The following HYAL3 variants were observed in gnomAD, a reference collection of about 807,000 sequenced individuals.
The protein encoded by HYAL3 is hyaluronidase-3.
HYAL3 carries 25 observed loss-of-function variants against 29.6 expected under a neutral mutation model. The ratio of observed to expected loss-of-function variants is 0.85; its 90% CI spans 0.62 to 1.18. HYAL3 has a LOEUF of 1.18. Among genes scored for constraint, HYAL3 ranks in the 50% most tolerant of loss-of-function variants. The pLI, the probability that HYAL3 is intolerant of heterozygous loss-of-function variation, is 0.00. For missense variants in HYAL3, 442 were observed against 548.4 expected (o/e 0.81, Z 1.94); for synonymous variants, 215 against 218.3 (o/e 0.99, Z 0.13).
intron 1 of HYAL3, chr3:50,298,735 G>A (rs2109297006): frequency 2.0e-6 from 2 of 1,015,032 alleles, no homozygotes; most frequent in South Asian, 7.2e-5. Flanking sequence ...CCTCTCCTGA[G>A]CTTGAGGCCA....
chr3:50,293,126 C>G lies in HYAL3; in HGVS notation c.*120G>C. On this transcript the variant is annotated 3_prime_UTR_variant, in exon 4 of 4. Coordinates refer to ENST00000336307, the MANE Select transcript of HYAL3 (RefSeq NM_003549.4). ...TACCCCTCAGGGATTCCAAGGGAAG[C>G]GGGGTGTGTGCTTGGGAGGGTTGAC... 2 of 1,510,110 alleles carry G rather than the reference C, an allele frequency of 1.3e-6. No individual in the cohort carries two copies. The highest frequency in any genetic ancestry group is 1.8e-6 in the Non-Finnish European group (2 of 1,089,756). 93.5% of individuals were successfully genotyped at this position (1,510,110 alleles called of 1,614,324 possible). A position where few individuals can be genotyped will look rare whatever the true frequency, so the allele number is the denominator to read the frequency against.
chr3:50,299,399 C>T lies in HYAL3; in HGVS notation c.-204G>A. On this transcript the variant is annotated 5_prime_UTR_variant, in exon 1 of 4. Coordinates refer to ENST00000336307, the MANE Select transcript of HYAL3 (RefSeq NM_003549.4). ...AGGCCTCCCAGCACCCGCGCGTCGC[C>T]GCTTAGAACCCGCCCCTGGTTTGCG... is the stretch of plus-strand genomic sequence containing the variant. 1 of 1,333,240 alleles carries T rather than the reference C, an allele frequency of 7.5e-7. No individual in the cohort carries two copies. The highest frequency in any genetic ancestry group is 1.0e-6 in the Non-Finnish European group (1 of 977,156). The allele number at this position is 1,333,240 out of a possible 1,614,324, so 82.6% of individuals were successfully genotyped here. A position where few individuals can be genotyped will look rare whatever the true frequency, so the allele number is the denominator to read the frequency against.
chr3:50,296,554 T>TC lies in HYAL3; in HGVS notation c.-17-936dup, dbSNP rs200163623. 1.1e-3 allele frequency: 1,664 copies of TC among 1,579,294 alleles called. 14 individuals are homozygous for TC. The African/African-American group carries it at 0.02, about 19-fold the overall frequency. Reference sequence around the variant, plus strand: ...TCAGTGGGCTGAGGCTTGTAGACTGTCGGGGCAGTCTATTGAACCAGAAAG... The same window carrying TC: ...TCAGTGGGCTGAGGCTTGTAGACTGTCCGGGGCAGTCTATTGAACCAGAAAG... On this transcript the variant is annotated intron_variant, in intron 1 of 3. Transcript: ENST00000336307.
At chr3:50,296,514 G>A (rs1701844773) in intron 1 of HYAL3, 2 of 1,463,980 alleles carry the variant, frequency 1.4e-6, no homozygotes, top group Non-Finnish European at 9.3e-7. Context: ...CCAGGGGCTA[G>A]GGGCTGAGGT....
rs1553711013 is a variant in HYAL3 at position 50,295,636 on chromosome 3, G to C, written c.-17-17C>G. On this transcript the variant is annotated splice_polypyrimidine_tract_variant and intron_variant, in intron 1 of 3. Coordinates refer to ENST00000336307, the MANE Select transcript of HYAL3 (RefSeq NM_003549.4). ...GATGGAAACCTGCAGGAGAGAGGGGGGTGTAAGCTTAGAGTCCGCAGCTAT... is the reference window on the plus strand; with the variant it reads ...GATGGAAACCTGCAGGAGAGAGGGGCGTGTAAGCTTAGAGTCCGCAGCTAT... 2.6e-6 allele frequency: 4 copies of C among 1,514,010 alleles called. No homozygotes were observed. The Admixed American group carries it at 8.9e-5, about 34-fold the overall frequency. 93.8% of individuals were successfully genotyped at this position (1,514,010 alleles called of 1,614,324 possible).
In HYAL3 at chr3:50,294,856, G is replaced by A. The variant is rs970423716; in HGVS notation, c.747C>T (p.Pro249=). The A allele has an allele frequency of 8.4e-6, 13 of 1,542,194 alleles. No individual in the cohort carries two copies. The highest frequency in any genetic ancestry group is 9.7e-6 in the Non-Finnish European group (11 of 1,139,526). Residue 249 remains proline (P), a synonymous_variant, in exon 2 of 4, where the codon CCC becomes CCT. Coordinates refer to ENST00000336307, the MANE Select transcript of HYAL3 (RefSeq NM_003549.4). The part of the protein sequence containing the change: ...SALFPSIYLP[P]RLPPAHHQAF... ...CCTGGTGGTGGGCAGGTGGCAGCCTGGGTGGGAGGTAGATGCTGGGGAAGA... is the reference window on the plus strand; with the variant it reads ...CCTGGTGGTGGGCAGGTGGCAGCCTAGGTGGGAGGTAGATGCTGGGGAAGA...
intron 2 of HYAL3, among the ~76,000 whole-genome samples, chr3:50,294,322 G>A (rs1701760734): frequency 6.6e-6 from 1 of 152,046 alleles, no homozygotes; most frequent in African/African-American, 2.4e-5. Context: ...GGTAGAGGTT[G>A]GGGTCTCACT....
Position 50,293,515 on chromosome 3 carries a change from C to T in HYAL3, c.985G>A (p.Glu329Lys). Residue 329 changes from glutamate (E) to lysine (K), a missense_variant and splice_region_variant, in exon 4 of 4, where the codon GAG (glutamate) becomes AAG (lysine). Glu to Lys is a moderately conservative substitution (Grantham distance 56). Coordinates refer to ENST00000336307, the MANE Select transcript of HYAL3 (RefSeq NM_003549.4). ...WGDLSLSSSE[E>K]ECWHLHDYLV... is the part of the protein sequence containing the mutation. ...TAGTCATGGAGATGCCAGCACTCCTCCTGAGGAGAAGGGAAGATATGTGTC... is the reference window on the plus strand; with the variant it reads ...TAGTCATGGAGATGCCAGCACTCCTTCTGAGGAGAAGGGAAGATATGTGTC... The T allele has an allele frequency of 6.2e-7, 1 of 1,612,036 alleles. No individual in the cohort carries two copies. The highest frequency in any genetic ancestry group is 8.5e-7 in the Non-Finnish European group (1 of 1,178,486).
At chr3:50,299,128 G>T in intron 1 of HYAL3, 85 bp downstream of exon 1, 1 of 1,612,874 alleles carries the variant, frequency 6.2e-7, no homozygotes, top group Non-Finnish European at 8.5e-7. Context: ...GACGCGGGGA[G>T]GGCGTGCAGG....
intron 1 of HYAL3, among the ~76,000 whole-genome samples, chr3:50,298,577 TCCTGTGC>T (rs1379926783): frequency 1.3e-5 from 2 of 151,642 alleles, no homozygotes; most frequent in Non-Finnish European, 2.9e-5. Flanking sequence ...GGCCCAGACC[TCCTGTGC>T]CCAAACCCTA....
chr3:50,297,166 C>T lies in HYAL3; in HGVS notation c.-17-1547G>A. 1 of 1,605,590 alleles carries T rather than the reference C, an allele frequency of 6.2e-7. No individual in the cohort carries two copies. The highest frequency in any genetic ancestry group is 8.5e-7 in the Non-Finnish European group (1 of 1,175,062). ...AGCAGCATCAGGCAGAGGGGGAAGG[C>T]ATCTGAGGACTGGCCCAGGGAGTGC... On this transcript the variant is annotated intron_variant, in intron 1 of 3. Transcript: ENST00000336307. The surrounding 1 kb of genome is among the most constrained non-coding windows in gnomAD (Gnocchi z 4.3).
At chr3:50,299,163 A>G in intron 1 of HYAL3, 50 bp downstream of exon 1, 1 of 1,613,958 alleles carries the variant, frequency 6.2e-7, no homozygotes, top group Non-Finnish European at 8.5e-7. Flanking sequence ...TGGGGACCGC[A>G]CGCGCGGGGT....
At position 50,297,027 on chromosome 3, in the gene HYAL3, G is replaced by A; in HGVS notation, c.-17-1408C>T. ...GCGGCCAAAGCCACGGCCCCTCAGG[G>A]CCCGGGCCACCACCACTGTCTCCAC... On this transcript the variant is annotated intron_variant, in intron 1 of 3. Transcript: ENST00000336307. The surrounding 1 kb of genome is among the most constrained non-coding windows in gnomAD (Gnocchi z 4.3). 6.5e-7 allele frequency: 1 copy of A among 1,541,528 alleles called. No individual in the cohort carries two copies. Among genetic ancestry groups the A allele is most frequent in the Non-Finnish European group, 8.7e-7 (1 of 1,147,702 alleles).
intron 1 of HYAL3, chr3:50,298,755 T>G (rs1701980392): frequency 9.7e-7 from 1 of 1,035,626 alleles, no homozygotes; most frequent in African/African-American, 1.7e-5. Context: ...AATTAAACAC[T>G]GGTCAGTAAC....
At position 50,297,318 on chromosome 3, in the gene HYAL3, G is replaced by A. The variant is rs782249745; in HGVS notation, c.-17-1699C>T. On this transcript the variant is annotated intron_variant, in intron 1 of 3. Coordinates refer to ENST00000336307, the MANE Select transcript of HYAL3 (RefSeq NM_003549.4). The surrounding 1 kb of genome is among the most constrained non-coding windows in gnomAD (Gnocchi z 4.3). ...CAGGCTAGGAGCTGGGGTCTCCTCT[G>A]GCTGGTGTTCAGGATCCAGGGTAAG... 1 of 1,607,422 alleles carries A rather than the reference G, an allele frequency of 6.2e-7. No homozygotes were observed. The highest frequency in any genetic ancestry group is 1.1e-5 in the South Asian group (1 of 90,176).
In HYAL3 at chr3:50,292,905, T is replaced by G; in HGVS notation, c.*341A>C. ...GCACTTTACCGACCTTCGCCAAGATTTTTTGGGGCCCATCTGCCCGTGCAC... is the reference window on the plus strand; with the variant it reads ...GCACTTTACCGACCTTCGCCAAGATGTTTTGGGGCCCATCTGCCCGTGCAC... On this transcript the variant is annotated 3_prime_UTR_variant, in exon 4 of 4. Coordinates refer to ENST00000336307, the MANE Select transcript of HYAL3 (RefSeq NM_003549.4). 6.7e-7 allele frequency: 1 copy of G among 1,495,398 alleles called. No individual in the cohort carries two copies. Among genetic ancestry groups the G allele is most frequent in the East Asian group, 2.9e-5 (1 of 34,968 alleles). 92.6% of individuals were successfully genotyped at this position (1,495,398 alleles called of 1,614,324 possible).
chr3:50,295,824 G>A (rs1429300551), intron 1 of HYAL3: 4 of 572,930 alleles, frequency 7.0e-6, no homozygotes, highest in Admixed American at 5.7e-5. Context: ...TCGAGTGGCA[G>A]GTGCACACCA....
In HYAL3 at chr3:50,293,656, C is replaced by A; in HGVS notation, c.960G>T (p.Gly320=). 1 of 1,613,812 alleles carries A rather than the reference C, an allele frequency of 6.2e-7. No individual in the cohort carries two copies. The highest frequency in any genetic ancestry group is 8.5e-7 in the Non-Finnish European group (1 of 1,180,004). The change falls in exon 3 of 4, where the codon GGG becomes GGT. Residue 320 remains glycine, a synonymous_variant. Transcript: ENST00000336307. The part of the protein sequence containing the change: ...ALGAAGVVLW[G]DLSLSSSEEE... ...CCTCAGAGCTGGAGAGGCTCAGGTC[C>A]CCCCAGAGCACCACGCCGGCTGCCC... is the stretch of plus-strand genomic sequence containing the variant.
rs782793318 is a variant in HYAL3, at chr3:50,292,938, C to T, written c.*308G>A. On this transcript the variant is annotated 3_prime_UTR_variant, in exon 4 of 4. Coordinates refer to ENST00000336307, the MANE Select transcript of HYAL3 (RefSeq NM_003549.4). Reference sequence around the variant, plus strand: ...GCCCATCTGCCCGTGCACGGCCCATCTGTGACCTCTCCATGGGCTTAGTGA... The same window carrying T: ...GCCCATCTGCCCGTGCACGGCCCATTTGTGACCTCTCCATGGGCTTAGTGA... 27 of 1,527,280 alleles carry T rather than the reference C, an allele frequency of 1.8e-5. No homozygotes were observed. The highest frequency in any genetic ancestry group is 1.6e-5 in the Non-Finnish European group (18 of 1,134,822). The allele number at this position is 1,527,280 out of a possible 1,614,324, so 94.6% of individuals were successfully genotyped here. A position where few individuals can be genotyped will look rare whatever the true frequency, so the allele number is the denominator to read the frequency against.
Sources: allele counts gnomAD v4.1 joint callset (sites outside exome capture counted in the v4.1 genomes callset), GRCh38; gene constraint gnomAD v4.1.1; non-coding constraint Gnocchi (gnomAD v3.1); transcripts MANE v1.5; gene names NCBI Gene and HGNC (gene_info 2026-07-23, HGNC 2026-07-21).